MAP7D3: variants seen among roughly 807,000 people sequenced by gnomAD.
MAP7D3 encodes MAP7 domain-containing protein 3.
MAP7D3 carries 45 observed loss-of-function variants against 62.2 expected under a neutral mutation model. The observed-to-expected ratio is 0.72, with a 90% CI of 0.57 to 0.93. The LOEUF is 0.93. MAP7D3 is among the 40% of genes least tolerant of loss of function. The pLI, the probability that MAP7D3 is intolerant of heterozygous loss-of-function variation, is 0.00. For missense variants in MAP7D3, 711 were observed against 683.1 expected (o/e 1.04, Z -0.45); for synonymous variants, 288 against 248.8 (o/e 1.16, Z -1.48).
chrX:136,251,837 G>A (rs754072219), upstream of MAP7D3, among the ~76,000 whole-genome samples: 1 of 111,685 alleles, frequency 9.0e-6, no homozygotes, highest in South Asian at 3.7e-4. Flanking sequence ...CTAGGGAGAG[G>A]TTGGGAGTCG....
At chrX:136,253,671 T>G (rs759993638), upstream of MAP7D3, among the ~76,000 whole-genome samples, 12 of 112,181 alleles carry the variant, frequency 1.1e-4, no homozygotes, top group Non-Finnish European at 2.1e-4. Context: ...GGTGTGGGAA[T>G]GATGTTGTAG....
At chrX:136,244,165 A>G (rs980951061) in intron 4 of MAP7D3, among the ~76,000 whole-genome samples, 3 of 111,154 alleles carry the variant, frequency 2.7e-5, no homozygotes, top group African/African-American at 9.8e-5. Context: ...AGGGAAGCTG[A>G]AAAGGAGAGC....
chrX:136,221,060 G>A lies in MAP7D3; in HGVS notation c.2288-97C>T, dbSNP rs1051873016. 49 of 632,588 alleles carry A rather than the reference G, an allele frequency of 7.7e-5. 1 individual carries two copies. The highest frequency in any genetic ancestry group is 1.0e-3 in the Middle Eastern group (2 of 1,993). 52.1% of individuals were successfully genotyped at this position (632,588 alleles called of 1,213,427 possible). ...CCTGATGGGATGGGGAGTGGGTACTGCCTGCCTGAAGGCAGGAAGAGTCAA... is the reference window on the plus strand; with the variant it reads ...CCTGATGGGATGGGGAGTGGGTACTACCTGCCTGAAGGCAGGAAGAGTCAA... On this transcript the variant is annotated intron_variant, in intron 15 of 18. Coordinates refer to ENST00000316077, the MANE Select transcript of MAP7D3 (RefSeq NM_024597.4).
chrX:136,245,055 C>A (rs1373674393), intron 3 of MAP7D3, among the ~76,000 whole-genome samples: 1 of 112,109 alleles, frequency 8.9e-6, no homozygotes, highest in Non-Finnish European at 1.9e-5. Context: ...AACTACAATT[C>A]CAAATTAAGA....
chrX:136,249,774 G>C (rs1010490131), intron 1 of MAP7D3, among the ~76,000 whole-genome samples: 1 of 111,924 alleles, frequency 8.9e-6, no homozygotes, highest in East Asian at 2.8e-4. Flanking sequence ...GGTCAAGTTG[G>C]TGCTCTGTGA....
In MAP7D3 at chrX:136,250,817, G is replaced by A. The variant is rs1365245888; in HGVS notation, c.70+472C>T. Among the ~76,000 whole-genome samples the A allele has an allele frequency of 2.7e-5, 3 of 111,801 alleles. No homozygotes were observed. In the South Asian group the frequency reaches 1.1e-3, roughly 41 times the overall value. ...TCCGTGCCTGGAAAGGCTGCCTGGCGGCGGAGGCGGCGCCGGCGCGCGGAG... is the reference window on the plus strand; with the variant it reads ...TCCGTGCCTGGAAAGGCTGCCTGGCAGCGGAGGCGGCGCCGGCGCGCGGAG... On this transcript the variant is annotated intron_variant, in intron 1 of 18. Transcript: ENST00000316077.
At position 136,232,090 on chromosome X, in the gene MAP7D3, C is replaced by T. The variant is rs55819163; in HGVS notation, c.867G>A (p.Glu289=). The part of the protein sequence containing the change: ...MKIPPQTKVE[E]SPLEKVETPP... ...GTGTCTCTACTTTCTCCAAGGGAGA[C>T]TCTTCTACTTTTGTTTGAGGAGGTA... Residue 289 remains glutamate (E), a synonymous_variant, in exon 8 of 19, where the codon GAG becomes GAA. Coordinates refer to ENST00000316077, the MANE Select transcript of MAP7D3 (RefSeq NM_024597.4). The T allele has an allele frequency of 0.034, 41,548 of 1,208,577 alleles. 549 individuals are homozygous for T. Among genetic ancestry groups the T allele is most frequent in the Non-Finnish European group, 0.04 (35,875 of 893,736 alleles).
In MAP7D3 at chrX:136,222,381, A is replaced by G; in HGVS notation, c.2287+12T>C. 34 of 1,187,463 alleles carry G rather than the reference A, an allele frequency of 2.9e-5. No homozygotes were observed. The highest frequency in any genetic ancestry group is 3.9e-5 in the Non-Finnish European group (34 of 873,634). On this transcript the variant is annotated intron_variant, in intron 15 of 18. Transcript: ENST00000316077. Reference sequence around the variant, plus strand: ...TGAACCTAAGCAGTCTAGCTCCTAAATGGTGACTAACCTGATGGAAACATT... The same window carrying G: ...TGAACCTAAGCAGTCTAGCTCCTAAGTGGTGACTAACCTGATGGAAACATT...
At chrX:136,237,729 C>CT (rs1284661522) in intron 6 of MAP7D3, among the ~76,000 whole-genome samples, 2 of 111,455 alleles carry the variant, frequency 1.8e-5, no homozygotes, top group Admixed American at 1.9e-4. Flanking sequence ...TGTCCCTTCT[C>CT]TTTTTTTTAT....
chrX:136,256,434 G>T (rs2074551803), exon 1 of MAP7D3: 2 of 794,281 alleles, frequency 2.5e-6, no homozygotes, highest in South Asian at 5.0e-5. Flanking sequence ...GAGGACCAGG[G>T]TGACCCTGCT....
intron 14 of MAP7D3, among the ~76,000 whole-genome samples, chrX:136,224,052 C>CAAAAAAA (rs59789059): frequency 1.9e-4 from 2 of 10,680 alleles, no homozygotes; most frequent in East Asian, 4.6e-3. Context: ...ACTCTTATCT[C>CAAAAAAA]AAAAAAAAAA....
At chrX:136,245,399 A>G (rs900123135) in intron 3 of MAP7D3, among the ~76,000 whole-genome samples, 1 of 112,102 alleles carries the variant, frequency 8.9e-6, no homozygotes, top group Non-Finnish European at 1.9e-5. Flanking sequence ...ACTTGGTAAC[A>G]TGCTTTTCAT....
At chrX:136,227,069 C>T (rs775751234) in intron 12 of MAP7D3, among the ~76,000 whole-genome samples, 2 of 111,512 alleles carry the variant, frequency 1.8e-5, no homozygotes, top group East Asian at 5.7e-4. Context: ...GCAGAGGTTG[C>T]AGTGAGCCAA....
upstream of MAP7D3, among the ~76,000 whole-genome samples, chrX:136,252,903 G>C (rs1032688189): frequency 1.8e-5 from 2 of 109,713 alleles, no homozygotes; most frequent in African/African-American, 6.6e-5. Flanking sequence ...TTCAAGATCA[G>C]CCTGGCCAGC....
chrX:136,256,436 G>T, exon 1 of MAP7D3: 1 of 770,543 alleles, frequency 1.3e-6, no homozygotes, highest in Non-Finnish European at 1.9e-6. Flanking sequence ...GGACCAGGGT[G>T]ACCCTGCTGT....
At chrX:136,222,751 T>A (rs2074144721) in intron 14 of MAP7D3, among the ~76,000 whole-genome samples, 2 of 111,079 alleles carry the variant, frequency 1.8e-5, no homozygotes, top group Admixed American at 9.6e-5. Context: ...AACTTTGGGT[T>A]GGCATTTGTT....
In MAP7D3 at chrX:136,219,475, T is replaced by TC. The variant is rs1569531451; in HGVS notation, c.2585dup (p.Phe863IlefsTer3). 4 of 1,207,037 alleles carry TC rather than the reference T, an allele frequency of 3.3e-6. No individual in the cohort carries two copies. Among genetic ancestry groups the TC allele is most frequent in the South Asian group, 3.5e-5 (2 of 56,771 alleles). ...AGGACTTTGGCAAGATGTCATGGAA[T>TC]CCTTCAGATTTTGTTTGTGCCTGTC... On this transcript the variant is annotated frameshift_variant, in exon 18 of 19. Coordinates refer to ENST00000316077, the MANE Select transcript of MAP7D3 (RefSeq NM_024597.4). LOFTEE classifies it high-confidence loss of function.
chrX:136,254,693 C>T (rs753234720), upstream of MAP7D3, among the ~76,000 whole-genome samples: 3 of 111,105 alleles, frequency 2.7e-5, no homozygotes, highest in South Asian at 3.9e-4. Flanking sequence ...AGAATTAGCA[C>T]TTATTCTGGG....
chrX:136,228,531 G>A, intron 11 of MAP7D3, 92 bp downstream of exon 11: 2 of 888,276 alleles, frequency 2.3e-6, no homozygotes, highest in Non-Finnish European at 3.1e-6. Flanking sequence ...ATTGTTCTTT[G>A]AGAATTTATA....
Sources: allele counts gnomAD v4.1 joint callset (sites outside exome capture counted in the v4.1 genomes callset), GRCh38; gene constraint gnomAD v4.1.1; transcripts MANE v1.5; gene names NCBI Gene and HGNC (gene_info 2026-07-23, HGNC 2026-07-21).